CCDC102B: variants seen among roughly 807,000 people sequenced by gnomAD.
CCDC102B encodes coiled-coil domain containing 102B.
In CCDC102B, 75 loss-of-function variants were observed where a neutral mutation model predicts 57.4. The observed-to-expected ratio is 1.31, with a 90% CI of 1.08 to 1.58. CCDC102B has a LOEUF of 1.58. CCDC102B is among the 40% of genes most tolerant of loss of function. The probability of loss-of-function intolerance (pLI) is 0.00; values close to 1 mark genes in which losing one functional copy is unlikely to be tolerated. For missense variants in CCDC102B, 636 were observed against 582.6 expected, an observed-to-expected ratio of 1.09 and a Z score of -0.94; for synonymous variants, 206 against 201.9, an observed-to-expected ratio of 1.02 and a Z score of -0.17.
At chr18:69,038,529 C>T (rs1401157019) in intron 7 of CCDC102B, among the ~76,000 whole-genome samples, 4 of 151,980 alleles carry the variant, frequency 2.6e-5, no homozygotes, top group African/African-American at 7.2e-5. Flanking sequence ...CAAAAATATA[C>T]ATACCTTCTT....
chr18:69,045,025 C>T (rs925993666), intron 7 of CCDC102B, among the ~76,000 whole-genome samples: 6 of 151,944 alleles, frequency 3.9e-5, no homozygotes, highest in African/African-American at 9.7e-5. Context: ...GTTGTGTGTG[C>T]GCTCCTGTGA....
In CCDC102B at chr18:68,895,484, G is replaced by A. The variant is rs150613432; in HGVS notation, c.1054-1735G>A. On this transcript the variant is annotated intron_variant, in intron 5 of 7. Coordinates refer to ENST00000360242, the MANE Select transcript of CCDC102B (RefSeq NM_024781.3). Reference sequence around the variant, plus strand: ...TAAGTTGTTGGGCTTTTAGAATTTAGCATGTCATAGCAACAGATTTTATAA... The same window carrying A: ...TAAGTTGTTGGGCTTTTAGAATTTAACATGTCATAGCAACAGATTTTATAA... 1.2e-4 allele frequency among the ~76,000 whole-genome samples: 18 copies of A among 151,704 alleles called. No individual in the cohort carries two copies. The South Asian group carries it at 1.9e-3, about 16-fold the overall frequency.
At chr18:68,820,920 G>T (rs2036666884) in intron 1 of CCDC102B, among the ~76,000 whole-genome samples, 1 of 152,158 alleles carries the variant, frequency 6.6e-6, no homozygotes, top group Non-Finnish European at 1.5e-5. Flanking sequence ...AGAGATTACA[G>T]CAGGGACACC....
intron 6 of CCDC102B, among the ~76,000 whole-genome samples, chr18:68,972,789 T>G (rs2050335523): frequency 1.3e-5 from 2 of 152,076 alleles, no homozygotes; most frequent in Admixed American, 1.3e-4. Flanking sequence ...TCCGGGTGAG[T>G]TTTGCTCTTC....
At chr18:68,741,091 A>G (rs1032947745) in intron 2 of CCDC102B, among the ~76,000 whole-genome samples, 2 of 152,232 alleles carry the variant, frequency 1.3e-5, no homozygotes, top group Non-Finnish European at 1.5e-5. Context: ...AGCTTGTGTC[A>G]TGCATGCACT....
intron 7 of CCDC102B, among the ~76,000 whole-genome samples, chr18:69,019,554 C>A (rs1404113213): frequency 6.6e-6 from 1 of 151,974 alleles, no homozygotes; most frequent in Non-Finnish European, 1.5e-5. Flanking sequence ...AGAAACACAA[C>A]TGGATTTTGC....
At chr18:68,783,152 C>T (rs973805186) in intron 2 of CCDC102B, among the ~76,000 whole-genome samples, 2 of 152,190 alleles carry the variant, frequency 1.3e-5, no homozygotes, top group African/African-American at 2.4e-5. Context: ...CCTGGGAAGG[C>T]TCCTGTTTTC....
chr18:69,041,983 A>C (rs1032406559), intron 7 of CCDC102B, among the ~76,000 whole-genome samples: 1 of 151,398 alleles, frequency 6.6e-6, no homozygotes, highest in Non-Finnish European at 1.5e-5. Flanking sequence ...CCTTCCTACT[A>C]CCCCAATTTG....
At chr18:68,912,906 C>T (rs978115366) in intron 6 of CCDC102B, among the ~76,000 whole-genome samples, 1 of 152,156 alleles carries the variant, frequency 6.6e-6, no homozygotes, top group Non-Finnish European at 1.5e-5. Context: ...AAATAAATGT[C>T]ACTAATTTGG....
At chr18:68,802,891 T>C (rs1309582548) in intron 1 of CCDC102B, among the ~76,000 whole-genome samples, 1 of 152,230 alleles carries the variant, frequency 6.6e-6, no homozygotes, top group African/African-American at 2.4e-5. Flanking sequence ...CATGGCTTTG[T>C]TCTCCCAAAT....
chr18:68,919,389 T>C (rs1039159995), intron 6 of CCDC102B, among the ~76,000 whole-genome samples: 1 of 152,152 alleles, frequency 6.6e-6, no homozygotes, highest in Non-Finnish European at 1.5e-5. Context: ...TAAATATCGT[T>C]TTTATATTTC....
chr18:69,040,095 C>T (rs755188093), intron 7 of CCDC102B, among the ~76,000 whole-genome samples: 1 of 151,736 alleles, frequency 6.6e-6, no homozygotes, highest in East Asian at 1.9e-4. Context: ...ATTTAACAGA[C>T]CATAAAATGA....
At chr18:68,804,969 A>G (rs991943898) in intron 1 of CCDC102B, among the ~76,000 whole-genome samples, 1 of 151,708 alleles carries the variant, frequency 6.6e-6, no homozygotes, top group African/African-American at 2.4e-5. Flanking sequence ...AGAGGAGTAT[A>G]TTTGAGGAGG....
intron 4 of CCDC102B, among the ~76,000 whole-genome samples, chr18:68,861,177 G>A (rs1338130889): frequency 1.3e-5 from 2 of 152,130 alleles, no homozygotes; most frequent in South Asian, 4.2e-4. Context: ...GGAAGTCAGG[G>A]GCTATAGTCA....
At chr18:69,002,481 AC>A (rs2145364288) in intron 6 of CCDC102B, among the ~76,000 whole-genome samples, 1 of 152,320 alleles carries the variant, frequency 6.6e-6, no homozygotes, top group South Asian at 2.1e-4. Context: ...AATGCAGGCA[AC>A]CACAGTTCTC....
chr18:68,872,864 A>T (rs775250408), intron 4 of CCDC102B, among the ~76,000 whole-genome samples: 4 of 151,838 alleles, frequency 2.6e-5, no homozygotes, highest in Non-Finnish European at 5.9e-5. Context: ...GATTTATTTG[A>T]GGTATTTGGT....
At chr18:68,960,846 G>T (rs1194330399) in intron 6 of CCDC102B, among the ~76,000 whole-genome samples, 1 of 152,122 alleles carries the variant, frequency 6.6e-6, no homozygotes, top group Non-Finnish European at 1.5e-5. Context: ...CAAGTGTGCA[G>T]GTTTTCTCAG....
intron 4 of CCDC102B, among the ~76,000 whole-genome samples, chr18:68,865,264 T>C (rs1056790290): frequency 6.6e-6 from 1 of 152,124 alleles, no homozygotes; most frequent in Admixed American, 6.5e-5. Context: ...CCTTTTCTTA[T>C]ATTTTCGCAA....
chr18:68,777,580 TTTC>T (rs1197990950), intron 2 of CCDC102B, among the ~76,000 whole-genome samples: 2 of 152,200 alleles, frequency 1.3e-5, no homozygotes, highest in African/African-American at 4.8e-5. Flanking sequence ...TTAAAATCTT[TTTC>T]TTGGCATGGG....
Sources: allele counts gnomAD v4.1 joint callset (sites outside exome capture counted in the v4.1 genomes callset), GRCh38; gene constraint gnomAD v4.1.1; transcripts MANE v1.5; gene names NCBI Gene and HGNC (gene_info 2026-07-23, HGNC 2026-07-21).